UBE2R2: variants seen among roughly 807,000 people sequenced by gnomAD.
UBE2R2 encodes the protein ubiquitin conjugating enzyme E2 R2.
Under a neutral mutation model 27.8 loss-of-function variants are expected in UBE2R2, and 1 was observed. The ratio of observed to expected loss-of-function variants is 0.04; its 90% CI spans 0.01 to 0.17. The LOEUF (loss-of-function observed/expected upper bound fraction) is 0.17, where lower values mean the gene tolerates loss of function less well. Among genes scored for constraint, UBE2R2 ranks in the 10% least tolerant of loss-of-function variants. The probability of loss-of-function intolerance (pLI) is 1.00; values close to 1 mark genes in which losing one functional copy is unlikely to be tolerated. For synonymous variants in UBE2R2, 106 were observed against 113.3 expected (o/e 0.94, Z 0.41); for missense variants, 100 against 291.0 (o/e 0.34, Z 4.78).
rs1822413983 is a variant in UBE2R2 at position 33,908,501 on chromosome 9, A to G, written c.363-3463A>G. ...AAAGATTCTGCTCTTCAGACAGAAA[A>G]AAGATCCTGCTCTTCAGACAGAAGA... On this transcript the variant is annotated intron_variant, in intron 3 of 4. Coordinates refer to ENST00000263228, the MANE Select transcript of UBE2R2 (RefSeq NM_017811.4). Among the ~76,000 whole-genome samples, 4 of 129,100 alleles carry G rather than the reference A, an allele frequency of 3.1e-5. No homozygotes were observed. The South Asian group carries it at 9.1e-4, about 29-fold the overall frequency. The allele number at this position is 129,100 out of a possible 152,430, so 84.7% of individuals were successfully genotyped here. A position where few individuals can be genotyped will look rare whatever the true frequency, so the allele number is the denominator to read the frequency against.
intron 1 of UBE2R2, among the ~76,000 whole-genome samples, chr9:33,861,003 G>T (rs1165471342): frequency 2.7e-5 from 4 of 148,990 alleles, no homozygotes; most frequent in Non-Finnish European, 4.4e-5. Context: ...CTGTCCCCCA[G>T]GCTGGAGTGC....
At chr9:33,896,606 A>ATT (rs60575205) in intron 2 of UBE2R2, among the ~76,000 whole-genome samples, 13 of 139,482 alleles carry the variant, frequency 9.3e-5, no homozygotes, top group African/African-American at 2.4e-4. Flanking sequence ...ATGACTGGCT[A>ATT]TTTTTTTTTT....
At chr9:33,832,375 G>A (rs1266567147) in intron 1 of UBE2R2, among the ~76,000 whole-genome samples, 11 of 147,916 alleles carry the variant, frequency 7.4e-5, no homozygotes, top group African/African-American at 2.2e-4. Context: ...AAATTTTTTC[G>A]GCCGGGCGCT....
chr9:33,831,170 T>C (rs1027692805), intron 1 of UBE2R2: 4 of 151,740 alleles, frequency 2.6e-5, no homozygotes, highest in Non-Finnish European at 1.5e-5. Flanking sequence ...GGCTGGGTGT[T>C]GTGCCTCACA....
chr9:33,853,076 A>G (rs1821003896), intron 1 of UBE2R2, among the ~76,000 whole-genome samples: 1 of 152,182 alleles, frequency 6.6e-6, no homozygotes, highest in Admixed American at 6.6e-5. Flanking sequence ...TGGAAGGCCC[A>G]ACTGTTTTAG....
intron 3 of UBE2R2, among the ~76,000 whole-genome samples, chr9:33,900,773 T>C (rs754926395): frequency 2.0e-5 from 3 of 152,320 alleles, no homozygotes; most frequent in Non-Finnish European, 4.4e-5. Flanking sequence ...CTCACTAAGT[T>C]GCCCAGCTGG....
At chr9:33,862,081 C>G (rs1310686642) in intron 1 of UBE2R2, among the ~76,000 whole-genome samples, 3 of 152,008 alleles carry the variant, frequency 2.0e-5, no homozygotes, top group Non-Finnish European at 4.4e-5. Flanking sequence ...TCTCGAACGC[C>G]TGACCTCATG....
At chr9:33,866,836 A>G (rs1238301500) in intron 1 of UBE2R2, among the ~76,000 whole-genome samples, 1 of 152,154 alleles carries the variant, frequency 6.6e-6, no homozygotes, top group Non-Finnish European at 1.5e-5. Context: ...TACTGTGCAT[A>G]TTAAATCATT....
At chr9:33,872,001 T>C (rs920682245) in intron 1 of UBE2R2, among the ~76,000 whole-genome samples, 23 of 152,048 alleles carry the variant, frequency 1.5e-4, no homozygotes, top group Non-Finnish European at 3.2e-4. Flanking sequence ...TGTGAGCCAC[T>C]GCACCCGGCC....
chr9:33,882,576 C>A (rs549868309), intron 1 of UBE2R2, among the ~76,000 whole-genome samples: 1 of 152,300 alleles, frequency 6.6e-6, no homozygotes, highest in Admixed American at 6.5e-5. Context: ...AGCCACCATA[C>A]CGGCCAAATA....
intron 1 of UBE2R2, among the ~76,000 whole-genome samples, chr9:33,846,393 AT>A (rs554745705): frequency 6.6e-6 from 1 of 151,906 alleles, no homozygotes; most frequent in Non-Finnish European, 1.5e-5. Context: ...TGAATAGTGT[AT>A]TTTTTTTAGG....
intron 2 of UBE2R2, among the ~76,000 whole-genome samples, chr9:33,895,641 T>C (rs1822085644): frequency 6.6e-6 from 1 of 152,164 alleles, no homozygotes; most frequent in Non-Finnish European, 1.5e-5. Flanking sequence ...AACTGGGGAA[T>C]AGAACCATCT....
chr9:33,906,102 C>T (rs537739742), intron 3 of UBE2R2, among the ~76,000 whole-genome samples: 2 of 142,416 alleles, frequency 1.4e-5, no homozygotes, highest in Non-Finnish European at 3.1e-5. Context: ...TTGTCGTCGT[C>T]GTCGTTGTTG....
At chr9:33,860,531 T>C (rs753878244) in intron 1 of UBE2R2, among the ~76,000 whole-genome samples, 16 of 152,172 alleles carry the variant, frequency 1.1e-4, no homozygotes, top group Non-Finnish European at 2.2e-4. Flanking sequence ...CAGATTTTCA[T>C]TTTTTGTTTG....
chr9:33,861,151 G>A (rs556836839), intron 1 of UBE2R2, among the ~76,000 whole-genome samples: 10 of 150,874 alleles, frequency 6.6e-5, no homozygotes, highest in Middle Eastern at 3.4e-3. Context: ...TAGTAGATAG[G>A]GGGTTTCACT....
intron 1 of UBE2R2, among the ~76,000 whole-genome samples, chr9:33,869,046 T>C (rs1242374480): frequency 6.6e-6 from 1 of 152,130 alleles, no homozygotes; most frequent in Non-Finnish European, 1.5e-5. Context: ...GGTGGGTGGA[T>C]TGCTTGAGCT....
chr9:33,892,447 A>G (rs944749332), intron 2 of UBE2R2, among the ~76,000 whole-genome samples: 3 of 152,192 alleles, frequency 2.0e-5, no homozygotes, highest in African/African-American at 7.2e-5. Flanking sequence ...TTGAGGGGAA[A>G]GTTCAGAGAA....
chr9:33,816,582 C>A (rs556360383), upstream of UBE2R2, among the ~76,000 whole-genome samples: 33 of 152,358 alleles, frequency 2.2e-4, no homozygotes, highest in African/African-American at 7.9e-4. Flanking sequence ...GGAACTGCCG[C>A]ACCCAGGGTG....
At chr9:33,815,264 T>A (rs901047143), upstream of UBE2R2, among the ~76,000 whole-genome samples, 2 of 152,208 alleles carry the variant, frequency 1.3e-5, no homozygotes, top group African/African-American at 4.8e-5. Context: ...CTGGATGAGA[T>A]CCTGGAACAG....
Sources: gnomAD v4.1 joint callset for allele counts (sites outside exome capture counted in the v4.1 genomes callset) on GRCh38, gnomAD v4.1.1 for gene constraint, MANE v1.5 for transcripts, NCBI Gene and HGNC (gene_info 2026-07-23, HGNC 2026-07-21) for gene names.